The following PTPRA variants were observed in gnomAD, a reference collection of about 807,000 sequenced individuals.
PTPRA encodes the protein receptor-type tyrosine-protein phosphatase alpha.
Under a neutral mutation model 104.8 loss-of-function variants are expected in PTPRA, and 25 were observed. The ratio of observed to expected loss-of-function variants is 0.24; its 90% CI spans 0.17 to 0.33. The LOEUF (loss-of-function observed/expected upper bound fraction) is 0.33, where lower values mean the gene tolerates loss of function less well. PTPRA is among the 10% of genes least tolerant of loss of function. The pLI is 1.00. For missense variants in PTPRA, 765 were observed against 1,015.3 expected (o/e 0.75, Z 3.35); for synonymous variants, 323 against 368.9 (o/e 0.88, Z 1.43).
At position 2,955,682 on chromosome 20, in the gene PTPRA, T is replaced by C. The variant is rs2147845717; in HGVS notation, c.-7+7658T>C. 4.1e-6 allele frequency: 4 copies of C among 985,000 alleles called. No individual in the cohort carries two copies. In the South Asian group the frequency reaches 1.9e-4, roughly 46 times the overall value. 61.0% of individuals were successfully genotyped at this position (985,000 alleles called of 1,614,324 possible). On this transcript the variant is annotated intron_variant, in intron 3 of 23. Coordinates refer to ENST00000399903, the MANE Select transcript of PTPRA (RefSeq NM_001385305.1). ...CAACTCTTCAGAGTGCTGTTCCTAC[T>C]CCACCCTCCCCTGGTGGTATGTATC...
At chr20:3,032,570 A>AG (rs1405270609) in intron 20 of PTPRA, among the ~76,000 whole-genome samples, 1 of 151,112 alleles carries the variant, frequency 6.6e-6, no homozygotes. Flanking sequence ...GATCGAGACC[A>AG]GCCTGGCCAA....
At chr20:3,011,398 T>C (rs1224660040) in intron 11 of PTPRA, among the ~76,000 whole-genome samples, 1 of 152,246 alleles carries the variant, frequency 6.6e-6, no homozygotes, top group African/African-American at 2.4e-5. Flanking sequence ...TAATCCCTCA[T>C]ATACTACACA....
At chr20:2,879,314 C>T (rs934110474) in intron 1 of PTPRA, among the ~76,000 whole-genome samples, 2 of 152,158 alleles carry the variant, frequency 1.3e-5, no homozygotes, top group Non-Finnish European at 2.9e-5. Context: ...AATGCCAAGT[C>T]CTGAATCAGT....
At chr20:2,957,488 T>G (rs1459496627) in intron 3 of PTPRA, among the ~76,000 whole-genome samples, 2 of 152,216 alleles carry the variant, frequency 1.3e-5, no homozygotes, top group South Asian at 2.1e-4. Context: ...GAGAGACAAC[T>G]CTTTCTAGAG....
rs926031081 is a variant in PTPRA at position 2,873,924 on chromosome 20, C to T, written c.-129+164C>T. Among the ~76,000 whole-genome samples, 1 of 152,128 alleles carries T rather than the reference C, an allele frequency of 6.6e-6. No homozygotes were observed. The highest frequency in any genetic ancestry group is 2.4e-5 in the African/African-American group (1 of 41,436). On this transcript the variant is annotated intron_variant, in intron 1 of 23. Transcript: ENST00000399903. The surrounding 1 kb of genome is among the most constrained non-coding windows in gnomAD (Gnocchi z 4.4). Reference sequence around the variant, plus strand: ...GGGCGCCTGCAGGTTGATTGTGCATCCTTGCGGGTCCGTCGCGGGGAGGGG... The same window carrying T: ...GGGCGCCTGCAGGTTGATTGTGCATTCTTGCGGGTCCGTCGCGGGGAGGGG...
chr20:2,887,907 T>G (rs1871771142), intron 1 of PTPRA, among the ~76,000 whole-genome samples: 1 of 152,200 alleles, frequency 6.6e-6, no homozygotes, highest in African/African-American at 2.4e-5. Flanking sequence ...ACTCAGTGCC[T>G]CTGCTCACGC....
chr20:2,897,818 AT>A (rs1407448736), intron 1 of PTPRA, among the ~76,000 whole-genome samples: 1 of 146,024 alleles, frequency 6.8e-6, no homozygotes, highest in East Asian at 2.0e-4. Flanking sequence ...TTTTTCATGT[AT>A]TTTTTGATAT....
the PTPRA span, chr20:2,866,070 G>T: frequency 8.4e-6 from 6 of 718,176 alleles, no homozygotes; most frequent in Admixed American, 1.4e-4. Flanking sequence ...CTGTGCATGG[G>T]GGTTGGGGGA....
intron 5 of PTPRA, among the ~76,000 whole-genome samples, chr20:2,970,913 C>A (rs2062158841): frequency 6.6e-6 from 1 of 152,018 alleles, no homozygotes. Flanking sequence ...TGTCCCAATA[C>A]CCCTTAATAA....
intron 20 of PTPRA, among the ~76,000 whole-genome samples, chr20:3,032,524 T>G (rs937525129): frequency 6.6e-6 from 1 of 152,150 alleles, no homozygotes; most frequent in Non-Finnish European, 1.5e-5. Flanking sequence ...TCCCAGCACT[T>G]TGGGAGGCCA....
chr20:2,912,429 G>A (rs1275774231), intron 1 of PTPRA, among the ~76,000 whole-genome samples: 1 of 152,086 alleles, frequency 6.6e-6, no homozygotes, highest in Non-Finnish European at 1.5e-5. Context: ...TTCAAGACCA[G>A]CCTGGGCAAC....
rs1568643672 is a variant in PTPRA at position 2,897,692 on chromosome 20, A to G, written c.-129+23932A>G. Among the ~76,000 whole-genome samples, 3 of 151,756 alleles carry G rather than the reference A, an allele frequency of 2.0e-5. No individual in the cohort carries two copies. The South Asian group carries it at 6.2e-4, about 32-fold the overall frequency. On this transcript the variant is annotated intron_variant, in intron 1 of 23. Transcript: ENST00000399903. ...CTTGAGCCACCGTGCCCAGCCAATC[A>G]CTTGCTATTTCACTCTAAGGAAAAG...
At chr20:3,006,283 C>T (rs2063866910) in intron 10 of PTPRA, among the ~76,000 whole-genome samples, 1 of 152,152 alleles carries the variant, frequency 6.6e-6, no homozygotes, top group African/African-American at 2.4e-5. Context: ...AATTCCTGGG[C>T]TCAAGTAATC....
chr20:3,009,717 T>TA (rs1273447560), intron 11 of PTPRA, among the ~76,000 whole-genome samples: 2 of 152,186 alleles, frequency 1.3e-5, no homozygotes, highest in Admixed American at 1.3e-4. Flanking sequence ...TCCTAGAACT[T>TA]ACATCGAAGA....
In PTPRA at chr20:2,958,872, G is replaced by T. The variant is rs1030286807; in HGVS notation, c.-6-5400G>T. Among the ~76,000 whole-genome samples, 9 of 150,942 alleles carry T rather than the reference G, an allele frequency of 6.0e-5. No individual in the cohort carries two copies. The East Asian group carries it at 1.8e-3, about 29-fold the overall frequency. On this transcript the variant is annotated intron_variant, in intron 3 of 23. Coordinates refer to ENST00000399903, the MANE Select transcript of PTPRA (RefSeq NM_001385305.1). ...AAAAAAAAAAAAAAAAAAAGAACAG[G>T]GACTGTTAGAGCAGGCTCCAGGAGA... is the stretch of plus-strand genomic sequence containing the variant.
At chr20:2,938,073 C>G (rs376254801) in intron 2 of PTPRA, among the ~76,000 whole-genome samples, 10 of 152,172 alleles carry the variant, frequency 6.6e-5, no homozygotes, top group African/African-American at 1.9e-4. Flanking sequence ...AATCCCAACA[C>G]TTTGAGAGGC....
At chr20:2,917,802 C>CA (rs974611738) in intron 1 of PTPRA, among the ~76,000 whole-genome samples, 16 of 146,618 alleles carry the variant, frequency 1.1e-4, no homozygotes, top group Admixed American at 4.8e-4. Flanking sequence ...AGACCTATCT[C>CA]AAAAAAAAAA....
At chr20:3,034,511 A>G (rs531357480) in intron 20 of PTPRA, among the ~76,000 whole-genome samples, 25 of 152,190 alleles carry the variant, frequency 1.6e-4, no homozygotes, top group African/African-American at 5.8e-4. Context: ...CAGTGCCATA[A>G]AAACTAATAT....
At chr20:2,940,705 G>T (rs1305935292) in intron 2 of PTPRA, among the ~76,000 whole-genome samples, 1 of 152,160 alleles carries the variant, frequency 6.6e-6, no homozygotes, top group Non-Finnish European at 1.5e-5. Context: ...GAGAAAAAAA[G>T]AAATTATATG....
Sources: gnomAD v4.1 joint callset for allele counts (sites outside exome capture counted in the v4.1 genomes callset) on GRCh38, gnomAD v4.1.1 for gene constraint, Gnocchi (gnomAD v3.1) non-coding constraint, MANE v1.5 for transcripts, NCBI Gene and HGNC (gene_info 2026-07-23, HGNC 2026-07-21) for gene names.